The following TTLL1 variants were observed in gnomAD, a reference collection of about 807,000 sequenced individuals.
TTLL1 encodes TTL family tubulin polyglutamylase complex subunit L1, also known as polyglutamylase complex subunit TTLL1.
A neutral mutation model predicts 47.8 loss-of-function variants in TTLL1; 33 were observed. The ratio of observed to expected loss-of-function variants is 0.69; its 90% CI spans 0.52 to 0.92. The LOEUF is 0.92. TTLL1 is among the 40% of genes least tolerant of loss of function. The pLI is 0.00. For missense variants in TTLL1, 488 were observed against 547.5 expected (o/e 0.89, Z 1.08); for synonymous variants, 225 against 214.1 (o/e 1.05, Z -0.45).
chr22:43,068,427 C>T lies in TTLL1; in HGVS notation c.486G>A (p.Arg162=). 2 of 1,536,274 alleles carry T rather than the reference C, an allele frequency of 1.3e-6. No homozygotes were observed. Among genetic ancestry groups the T allele is most frequent in the East Asian group, 2.3e-5 (1 of 43,012 alleles). Reference sequence around the variant, plus strand: ...ACACTTACGAAGATGTCTTGCTGTCCCGGGACCACTTTTTGATCTGTGAGA... The same window carrying T: ...ACACTTACGAAGATGTCTTGCTGTCTCGGGACCACTTTTTGATCTGTGAGA... ...NKLSQIKKWS[R]DSKTSSFVSQ... The change falls in exon 5 of 11, where the codon CGG becomes CGA. Residue 162 remains arginine (R), a synonymous_variant. Coordinates refer to ENST00000266254, the MANE Select transcript of TTLL1 (RefSeq NM_012263.5).
chr22:43,085,810 C>T (rs1389535180), intron 1 of TTLL1, among the ~76,000 whole-genome samples: 2 of 152,126 alleles, frequency 1.3e-5, no homozygotes, highest in Non-Finnish European at 2.9e-5. Context: ...CGCTTCCCTC[C>T]CACACCAGAT....
chr22:43,081,014 C>G (rs951788848), intron 1 of TTLL1, among the ~76,000 whole-genome samples: 1 of 148,182 alleles, frequency 6.7e-6, no homozygotes, highest in African/African-American at 2.5e-5. Flanking sequence ...CTCCTGGGCT[C>G]AAGCGATTCT....
At chr22:43,064,433 T>C (rs1412889025) in intron 5 of TTLL1, 109 bp from the exon 6 acceptor site, 5 of 1,358,346 alleles carry the variant, frequency 3.7e-6, no homozygotes, top group Non-Finnish European at 4.9e-6. Context: ...ATTAAAAAAT[T>C]AAAGAGTTTT....
intron 8 of TTLL1, among the ~76,000 whole-genome samples, chr22:43,053,304 T>C (rs995261189): frequency 3.6e-4 from 55 of 152,204 alleles, no homozygotes; most frequent in African/African-American, 1.3e-3. Flanking sequence ...CTAGAAACTC[T>C]GGGAAGGAGA....
At chr22:43,084,433 T>C (rs1290884089) in intron 1 of TTLL1, among the ~76,000 whole-genome samples, 1 of 152,070 alleles carries the variant, frequency 6.6e-6, no homozygotes, top group African/African-American at 2.4e-5. Flanking sequence ...TACAGGTGGC[T>C]CAGAGCTACT....
intron 2 of TTLL1, among the ~76,000 whole-genome samples, chr22:43,077,212 A>C (rs1928564171): frequency 7.2e-5 from 11 of 151,800 alleles, no homozygotes; most frequent in Admixed American, 7.2e-4. Flanking sequence ...CCCCAGGTAC[A>C]CCTCACACCA....
chr22:43,069,925 C>G, intron 3 of TTLL1, 81 bp from the exon 4 acceptor site: 2 of 1,549,276 alleles, frequency 1.3e-6, no homozygotes, highest in South Asian at 2.4e-5. Flanking sequence ...CGCAAACACC[C>G]TGAACCCTCA....
At chr22:43,047,292 A>G (rs1926217514) in intron 9 of TTLL1, among the ~76,000 whole-genome samples, 1 of 152,144 alleles carries the variant, frequency 6.6e-6, no homozygotes, top group Non-Finnish European at 1.5e-5. Flanking sequence ...CCTTTTTGCT[A>G]AGAGAGTAAT....
chr22:43,047,765 G>A (rs937446578), intron 9 of TTLL1, among the ~76,000 whole-genome samples: 3 of 151,354 alleles, frequency 2.0e-5, no homozygotes, highest in Admixed American at 1.3e-4. Flanking sequence ...CACCGTGCCC[G>A]GCCAGTCACT....
At chr22:43,066,942 T>A (rs1238486636) in intron 5 of TTLL1, among the ~76,000 whole-genome samples, 2 of 151,822 alleles carry the variant, frequency 1.3e-5, no homozygotes, top group Non-Finnish European at 2.9e-5. Context: ...GAGCTGAGAT[T>A]GTACCACTGT....
chr22:43,063,752 C>T, intron 7 of TTLL1, 61 bp downstream of exon 7: 1 of 1,536,968 alleles, frequency 6.5e-7, no homozygotes, highest in South Asian at 1.1e-5. Context: ...AGGCGTGAGC[C>T]ACCACACCCG....
rs567177074 is a variant in TTLL1, at chr22:43,081,195, C to T, written c.-89-1209G>A. Among the ~76,000 whole-genome samples, 187 of 152,138 alleles carry T rather than the reference C, an allele frequency of 1.2e-3. 2 individuals are homozygous for T. The highest frequency in any genetic ancestry group is 4.2e-3 in the African/African-American group (176 of 41,516). On this transcript the variant is annotated intron_variant, in intron 1 of 10. Coordinates refer to ENST00000266254, the MANE Select transcript of TTLL1 (RefSeq NM_012263.5). Reference sequence around the variant, plus strand: ...CCTCTCAAAGTGCTGGGATGACAAGCGTGAGCCACCGCGCCCGGCTGCACA... The same window carrying T: ...CCTCTCAAAGTGCTGGGATGACAAGTGTGAGCCACCGCGCCCGGCTGCACA...
chr22:43,083,225 T>C (rs1929013239), intron 1 of TTLL1, among the ~76,000 whole-genome samples: 1 of 151,324 alleles, frequency 6.6e-6, no homozygotes, highest in Non-Finnish European at 1.5e-5. Flanking sequence ...AAAAATTAGC[T>C]AGGCATGGTG....
intron 8 of TTLL1, chr22:43,052,220 G>C (rs1926689568): frequency 2.7e-6 from 1 of 365,522 alleles, no homozygotes; most frequent in Non-Finnish European, 5.3e-6. Flanking sequence ...CCCAGAACCT[G>C]CAGTGAAGGT....
chr22:43,061,500 T>C lies in TTLL1; in HGVS notation c.748-1973A>G, dbSNP rs544195492. 9.2e-5 allele frequency among the ~76,000 whole-genome samples: 14 copies of C among 152,320 alleles called. No individual in the cohort carries two copies. In the South Asian group the frequency reaches 2.9e-3, roughly 32 times the overall value. On this transcript the variant is annotated intron_variant, in intron 7 of 10. Transcript: ENST00000266254. ...TCAGCAGGTTCTTCAGAAATGCATA[T>C]TTCATACCAATACTCACTCTCTTTC...
At chr22:43,085,135 C>G (rs899252786) in intron 1 of TTLL1, among the ~76,000 whole-genome samples, 2 of 151,852 alleles carry the variant, frequency 1.3e-5, no homozygotes, top group African/African-American at 4.8e-5. Flanking sequence ...TGCCACCATG[C>G]CCGGCTAATT....
In TTLL1 at chr22:43,048,626, G is replaced by A. The variant is rs186797756; in HGVS notation, c.979-2053C>T. On this transcript the variant is annotated intron_variant, in intron 9 of 10. Transcript: ENST00000266254. ...TGCACTCCAGCCTGGAACACAGAGC[G>A]AGACTTGGTCTCTTAAAAAAAAAAA... is the stretch of plus-strand genomic sequence containing the variant. 2.4e-3 allele frequency among the ~76,000 whole-genome samples: 351 copies of A among 147,892 alleles called. 4 individuals are homozygous for A. The highest frequency in any genetic ancestry group is 0.018 in the Admixed American group (273 of 14,814).
chr22:43,083,601 G>C (rs139089057), intron 1 of TTLL1, among the ~76,000 whole-genome samples: 3,977 of 152,162 alleles, frequency 0.026, 186 homozygotes, highest in African/African-American at 0.091. Flanking sequence ...GGTGGCGCTT[G>C]CCTGTAATGC....
Position 43,064,316 on chromosome 22 carries a change from G to C in TTLL1, c.512C>G (p.Ser171Cys). ...SRDSKTSSFV[S>C]QSNKEAYVIS... ...CACGTAGGCTTCCTTATTAGATTGA[G>C]ACACAAACCTAAACATGGCAGAGAA... The change falls in exon 6 of 11, where the codon TCT (serine) becomes TGT (cysteine). Residue 171 changes from serine (S) to cysteine (C), a missense_variant. Transcript: ENST00000266254. 2 of 1,611,382 alleles carry C rather than the reference G, an allele frequency of 1.2e-6. No individual in the cohort carries two copies. The highest frequency in any genetic ancestry group is 1.7e-6 in the Non-Finnish European group (2 of 1,179,328).
Sources: allele counts gnomAD v4.1 joint callset (sites outside exome capture counted in the v4.1 genomes callset), GRCh38; gene constraint gnomAD v4.1.1; transcripts MANE v1.5; gene names NCBI Gene and HGNC (gene_info 2026-07-23, HGNC 2026-07-21).